PIGU: variants seen among roughly 807,000 people sequenced by gnomAD.
PIGU encodes the protein phosphatidylinositol glycan anchor biosynthesis class U.
A neutral mutation model predicts 49.9 loss-of-function variants in PIGU; 24 were observed. That is an observed-to-expected ratio of 0.48 (90% CI 0.35 to 0.68). PIGU has a LOEUF of 0.68. Ranked by LOEUF, PIGU falls within the 30% of genes least tolerant of loss-of-function variation. The probability of loss-of-function intolerance (pLI) is 0.01; values close to 1 mark genes in which losing one functional copy is unlikely to be tolerated. For synonymous variants in PIGU, 220 were observed against 205.7 expected, an observed-to-expected ratio of 1.07 and a Z score of -0.59; for missense variants, 490 against 532.6, an observed-to-expected ratio of 0.92 and a Z score of 0.79.
chr20:34,648,928 C>T (rs530201727), intron 2 of PIGU, among the ~76,000 whole-genome samples: 39 of 152,220 alleles, frequency 2.6e-4, no homozygotes, highest in African/African-American at 9.1e-4. Flanking sequence ...AGTGCAGTGG[C>T]GCGATCTCAG....
At chr20:34,674,630 TA>T (rs1987434801) in intron 1 of PIGU, among the ~76,000 whole-genome samples, 1 of 151,818 alleles carries the variant, frequency 6.6e-6, no homozygotes, top group Non-Finnish European at 1.5e-5. Flanking sequence ...AAGGAGCTCA[TA>T]ATATAGTGGA....
chr20:34,581,456 G>A (rs2146705759), intron 10 of PIGU, 92 bp downstream of exon 10: 1 of 1,494,384 alleles, frequency 6.7e-7, no homozygotes, highest in Non-Finnish European at 9.1e-7. Flanking sequence ...CATAACAGGT[G>A]CCTGGTAAAT....
At position 34,585,538 on chromosome 20, in the gene PIGU, C is replaced by T. The variant is rs1192067628; in HGVS notation, c.825G>A (p.Trp275Ter). The T allele has an allele frequency of 5.0e-6, 8 of 1,613,526 alleles. No homozygotes were observed. The highest frequency in any genetic ancestry group is 5.9e-6 in the Non-Finnish European group (7 of 1,179,488). Reference sequence around the variant, plus strand: ...GCTCAAACATCTCTGCAAAGAAGTACCAGAAAAGACCAATGTTTGGAGTGA... The same window carrying T: ...GCTCAAACATCTCTGCAAAGAAGTATCAGAAAAGACCAATGTTTGGAGTGA... ...PDLTPNIGLFWYFFAEMFEHF... is the reference protein window; with the variant it reads ...PDLTPNIGLF The change falls in exon 9 of 12, where the codon TGG becomes TGA. Residue 275 changes from tryptophan (W) to a stop codon, truncating the protein, a stop_gained. Coordinates refer to ENST00000217446, the MANE Select transcript of PIGU (RefSeq NM_080476.5). LOFTEE classifies it high-confidence loss of function.
intron 7 of PIGU, among the ~76,000 whole-genome samples, chr20:34,613,164 G>A (rs1984883717): frequency 6.6e-6 from 1 of 151,968 alleles, no homozygotes; most frequent in Admixed American, 6.6e-5. Context: ...CTCTGACACT[G>A]GTTTGGGCCC....
At chr20:34,578,118 G>C (rs1237713942) in intron 10 of PIGU, among the ~76,000 whole-genome samples, 2 of 152,166 alleles carry the variant, frequency 1.3e-5, no homozygotes, top group African/African-American at 4.8e-5. Context: ...ATAAAAAGCT[G>C]GCAATCTGTC....
intron 7 of PIGU, among the ~76,000 whole-genome samples, chr20:34,594,473 G>C (rs1600610659): frequency 6.6e-6 from 1 of 151,954 alleles, no homozygotes; most frequent in Admixed American, 6.6e-5. Context: ...ATAATGTTAA[G>C]TGAAAAAAAG....
intron 10 of PIGU, among the ~76,000 whole-genome samples, chr20:34,577,007 G>C (rs1983262854): frequency 6.6e-6 from 1 of 152,146 alleles, no homozygotes; most frequent in East Asian, 1.9e-4. Context: ...GGACATCTTT[G>C]TGAGGGGAGG....
intron 10 of PIGU, among the ~76,000 whole-genome samples, chr20:34,579,951 T>C (rs951550765): frequency 1.3e-5 from 2 of 152,226 alleles, no homozygotes; most frequent in African/African-American, 4.8e-5. Flanking sequence ...TTCTCAAACT[T>C]AACACACTCA....
rs149718215 is a variant in PIGU at position 34,647,066 on chromosome 20, G to A, written c.196-1732C>T. On this transcript the variant is annotated intron_variant, in intron 2 of 11. Coordinates refer to ENST00000217446, the MANE Select transcript of PIGU (RefSeq NM_080476.5). ...TGCTCATGCTGGAGTGCAATGGCAC[G>A]ATCTCAGCTCATCGCAACCTCCGCC... Among the ~76,000 whole-genome samples, 1,430 of 152,120 alleles carry A rather than the reference G, an allele frequency of 9.4e-3. 33 individuals carry two copies. Among genetic ancestry groups the A allele is most frequent in the African/African-American group, 0.033 (1,369 of 41,490 alleles).
chr20:34,658,040 C>T (rs1262029459), intron 1 of PIGU, among the ~76,000 whole-genome samples: 1 of 151,566 alleles, frequency 6.6e-6, no homozygotes, highest in Non-Finnish European at 1.5e-5. Flanking sequence ...CCTCTGATGC[C>T]GAGCCGAAGC....
intron 1 of PIGU, among the ~76,000 whole-genome samples, chr20:34,667,583 T>C (rs989370718): frequency 6.6e-6 from 1 of 152,128 alleles, no homozygotes; most frequent in South Asian, 2.1e-4. Flanking sequence ...GAATATAGTA[T>C]ACAGAGTCCA....
chr20:34,657,706 A>G (rs1249345928), intron 1 of PIGU, among the ~76,000 whole-genome samples: 1 of 152,064 alleles, frequency 6.6e-6, no homozygotes, highest in African/African-American at 2.4e-5. Context: ...GTGCCTTCTG[A>G]CCCAGATATG....
chr20:34,601,144 T>G (rs981719018), intron 7 of PIGU, among the ~76,000 whole-genome samples: 5 of 152,218 alleles, frequency 3.3e-5, no homozygotes, highest in Non-Finnish European at 5.9e-5. Flanking sequence ...AGTTTCTGTT[T>G]GCTACCATTT....
At chr20:34,676,068 A>G (rs6088567) in intron 1 of PIGU, among the ~76,000 whole-genome samples, 11 of 149,922 alleles carry the variant, frequency 7.3e-5, no homozygotes, top group African/African-American at 2.4e-4. Flanking sequence ...TTAATCATCA[A>G]ACTCTGGCCT....
chr20:34,589,104 TACACACACACACAC>T (rs11469162), intron 7 of PIGU, among the ~76,000 whole-genome samples: 28,016 of 145,914 alleles, frequency 0.19, 3,130 homozygotes, highest in African/African-American at 0.32. Context: ...TACTATTATT[TACACACACACACAC>T]ACACACACAC....
chr20:34,611,120 G>C (rs1443925231), intron 7 of PIGU, among the ~76,000 whole-genome samples: 7 of 152,100 alleles, frequency 4.6e-5, no homozygotes, highest in Admixed American at 3.9e-4. Context: ...AACCTAGGCA[G>C]TACCATTCAG....
chr20:34,566,048 GCT>G lies in PIGU; in HGVS notation c.1195-5071_1195-5070del, dbSNP rs527378892. Among the ~76,000 whole-genome samples, 31 of 151,182 alleles carry G rather than the reference GCT, an allele frequency of 2.1e-4. No individual in the cohort carries two copies. In the South Asian group the frequency reaches 6.5e-3, roughly 32 times the overall value. On this transcript the variant is annotated intron_variant, in intron 11 of 11. Coordinates refer to ENST00000217446, the MANE Select transcript of PIGU (RefSeq NM_080476.5). ...CACAGATGCACACACATACACGCAC[GCT>G]CTCACTGCTCACATGCTCGCACTGC...
At chr20:34,585,259 G>A (rs566158515) in intron 9 of PIGU, among the ~76,000 whole-genome samples, 178 bp downstream of exon 9, 53 of 152,350 alleles carry the variant, frequency 3.5e-4, no homozygotes, top group African/African-American at 1.2e-3. Context: ...GCACCCATGC[G>A]ACTCTATTGC....
At chr20:34,595,181 G>A (rs763736762) in intron 7 of PIGU, among the ~76,000 whole-genome samples, 2 of 149,354 alleles carry the variant, frequency 1.3e-5, no homozygotes, top group Admixed American at 1.3e-4. Flanking sequence ...ATACAGGAAA[G>A]ATAAGCCAGA....
Sources: gnomAD v4.1 joint callset for allele counts (sites outside exome capture counted in the v4.1 genomes callset) on GRCh38, gnomAD v4.1.1 for gene constraint, MANE v1.5 for transcripts, NCBI Gene and HGNC (gene_info 2026-07-23, HGNC 2026-07-21) for gene names.